The following B3GALNT2 variants were observed in gnomAD, a reference collection of about 807,000 sequenced individuals.
B3GALNT2 encodes beta-1,3-N-acetylgalactosaminyltransferase 2, also known as UDP-GalNAc:beta-1,3-N-acetylgalactosaminyltransferase 2.
In B3GALNT2, 53 loss-of-function variants were observed where a neutral mutation model predicts 61.1. That is an observed-to-expected ratio of 0.87 (90% CI 0.70 to 1.09). The LOEUF (loss-of-function observed/expected upper bound fraction) is 1.09. Ranked by LOEUF, B3GALNT2 falls within the 50% of genes least tolerant of loss-of-function variation. B3GALNT2 has a pLI of 0.00. For synonymous variants in B3GALNT2, 223 were observed against 237.4 expected (o/e 0.94, Z 0.56); for missense variants, 544 against 623.0 (o/e 0.87, Z 1.35).
chr1:235,450,469 T>C, intron 11 of B3GALNT2, 129 bp from the exon 12 acceptor site: 1 of 1,182,908 alleles, frequency 8.5e-7, no homozygotes. Flanking sequence ...ACTCCGTGTG[T>C]GGAACAACTG....
At chr1:235,469,351 T>C (rs1030424986) in intron 6 of B3GALNT2, among the ~76,000 whole-genome samples, 13 of 152,236 alleles carry the variant, frequency 8.5e-5, no homozygotes, top group African/African-American at 2.9e-4. Context: ...AGATTGTCTA[T>C]GATTCCACCG....
chr1:235,446,529 AC>A (rs1220092412), downstream of B3GALNT2, among the ~76,000 whole-genome samples: 1 of 152,190 alleles, frequency 6.6e-6, no homozygotes, highest in Non-Finnish European at 1.5e-5. Flanking sequence ...CTAGAGGTAT[AC>A]CTCTCAAATT....
intron 5 of B3GALNT2, among the ~76,000 whole-genome samples, chr1:235,471,926 G>A (rs1358984385): frequency 2.6e-5 from 4 of 151,500 alleles, no homozygotes; most frequent in Admixed American, 1.3e-4. Flanking sequence ...GCCTCCCAAA[G>A]TGCTGGGATT....
intron 6 of B3GALNT2, among the ~76,000 whole-genome samples, chr1:235,468,775 AT>A (rs1157030723): frequency 1.3e-5 from 2 of 152,188 alleles, no homozygotes; most frequent in Non-Finnish European, 2.9e-5. Context: ...AGTGTAACCA[AT>A]ATTACAGAAT....
At chr1:235,502,418 A>G (rs1171757389) in intron 1 of B3GALNT2, among the ~76,000 whole-genome samples, 2 of 152,222 alleles carry the variant, frequency 1.3e-5, no homozygotes, top group Non-Finnish European at 2.9e-5. Context: ...CTGCACACGT[A>G]TCCCGGAACT....
At chr1:235,492,965 A>G (rs1685148730) in intron 2 of B3GALNT2, among the ~76,000 whole-genome samples, 1 of 152,218 alleles carries the variant, frequency 6.6e-6, no homozygotes, top group Non-Finnish European at 1.5e-5. Context: ...TTTCACTCTG[A>G]GCAAGAAAGG....
intron 10 of B3GALNT2, among the ~76,000 whole-genome samples, chr1:235,453,409 T>C (rs765083806): frequency 3.0e-4 from 45 of 151,858 alleles, no homozygotes; most frequent in Non-Finnish European, 5.6e-4. Flanking sequence ...AGGAAGCACT[T>C]AGGGCTTCCT....
intron 5 of B3GALNT2, among the ~76,000 whole-genome samples, chr1:235,471,547 A>T (rs1684008796): frequency 6.6e-6 from 1 of 152,246 alleles, no homozygotes; most frequent in Non-Finnish European, 1.5e-5. Context: ...TTATAGGGTT[A>T]TCAGCAATGT....
Position 235,494,868 on chromosome 1 carries a change from C to T in B3GALNT2, c.113-40G>A, listed in dbSNP as rs1325442627. Reference sequence around the variant, plus strand: ...AATACATGAGAAATAAGTCATGTATCAATTACTATGAAGTTCAATATGTAT... The same window carrying T: ...AATACATGAGAAATAAGTCATGTATTAATTACTATGAAGTTCAATATGTAT... On this transcript the variant is annotated intron_variant, in intron 1 of 11. Coordinates refer to ENST00000366600, the MANE Select transcript of B3GALNT2 (RefSeq NM_152490.5). 6 of 1,510,340 alleles carry T rather than the reference C, an allele frequency of 4.0e-6. No homozygotes were observed. The African/African-American group carries it at 8.4e-5, about 21-fold the overall frequency. The allele number at this position is 1,510,340 out of a possible 1,614,324, so 93.6% of individuals were successfully genotyped here.
chr1:235,442,910 G>A (rs762799965), downstream of B3GALNT2: 133 of 1,613,870 alleles, frequency 8.2e-5, no homozygotes, highest in Middle Eastern at 4.9e-4. Flanking sequence ...AACAACTGCC[G>A]GGTAAGAAGA....
Position 235,461,507 on chromosome 1 carries a change from G to GTTTT in B3GALNT2, c.842-2725_842-2722dup, listed in dbSNP as rs57611133. On this transcript the variant is annotated intron_variant, in intron 7 of 11. Transcript: ENST00000366600. ...GAAACACAGGGGTAGATGACCTCCT[G>GTTTT]TTTTTTTTTTTTTTTTTTTTTTTTT... 6.6e-4 allele frequency among the ~76,000 whole-genome samples: 42 copies of GTTTT among 63,382 alleles called. 3 individuals are homozygous for GTTTT. The highest frequency in any genetic ancestry group is 9.3e-4 in the Non-Finnish European group (34 of 36,520). The allele number at this position is 63,382 out of a possible 152,430, so 41.6% of individuals were successfully genotyped here. A position where few individuals can be genotyped will look rare whatever the true frequency, so the allele number is the denominator to read the frequency against.
At chr1:235,467,518 C>T (rs2102807995) in intron 6 of B3GALNT2, among the ~76,000 whole-genome samples, 1 of 136,428 alleles carries the variant, frequency 7.3e-6, no homozygotes, top group Middle Eastern at 4.1e-3. Flanking sequence ...AAGTCTTGCT[C>T]TTGTCCCCCA....
At position 235,458,589 on chromosome 1, in the gene B3GALNT2, T is replaced by G. The variant is rs1558411296; in HGVS notation, c.1025+14A>C. 6.4e-7 allele frequency: 1 copy of G among 1,566,420 alleles called. No individual in the cohort carries two copies. On this transcript the variant is annotated intron_variant, in intron 8 of 11. Coordinates refer to ENST00000366600, the MANE Select transcript of B3GALNT2 (RefSeq NM_152490.5). The stretch of plus-strand genomic sequence containing the variant: ...TAAAACAAGTTCTAGCTACCCAACA[T>G]TTTTACAACCTACCATCTATAGAAG...
Position 235,448,123 on chromosome 1 carries a change from C to G in B3GALNT2, c.*2083G>C, listed in dbSNP as rs938463255. ...GCTGAGGCAGGAGAATTGTTTGAAC[C>G]CGGGAAGCGGAGGTTGCAGTGAGCC... On this transcript the variant is annotated 3_prime_UTR_variant, in exon 12 of 12. Transcript: ENST00000366600. Among the ~76,000 whole-genome samples, 7 of 150,902 alleles carry G rather than the reference C, an allele frequency of 4.6e-5. No homozygotes were observed. Among genetic ancestry groups the G allele is most frequent in the African/African-American group, 1.5e-4 (6 of 40,786 alleles).
At chr1:235,446,679 C>T (rs1281676570), downstream of B3GALNT2, among the ~76,000 whole-genome samples, 5 of 150,406 alleles carry the variant, frequency 3.3e-5, no homozygotes, top group Admixed American at 6.7e-5. Flanking sequence ...TCTATAGAAC[C>T]GGTATGAGTA....
At chr1:235,502,157 C>T (rs1276381065) in intron 1 of B3GALNT2, among the ~76,000 whole-genome samples, 1 of 152,176 alleles carries the variant, frequency 6.6e-6, no homozygotes, top group Non-Finnish European at 1.5e-5. Flanking sequence ...GGATTACAGG[C>T]ATGCACCACT....
chr1:235,485,446 T>C (rs1158652871), intron 3 of B3GALNT2, among the ~76,000 whole-genome samples: 3 of 152,230 alleles, frequency 2.0e-5, no homozygotes, highest in Non-Finnish European at 4.4e-5. Context: ...CCTGAGTAGC[T>C]GGGACCGCAG....
intron 1 of B3GALNT2, among the ~76,000 whole-genome samples, chr1:235,495,897 T>G (rs1442234700): frequency 6.6e-6 from 1 of 152,230 alleles, no homozygotes; most frequent in Non-Finnish European, 1.5e-5. Flanking sequence ...GGTTGATATT[T>G]TCTTCAAAGG....
chr1:235,454,850 A>G (rs1406403405), intron 9 of B3GALNT2, among the ~76,000 whole-genome samples: 1 of 152,246 alleles, frequency 6.6e-6, no homozygotes, highest in Non-Finnish European at 1.5e-5. Context: ...GAGTTTCTGA[A>G]TGAAAAGCAC....
Sources: allele counts gnomAD v4.1 joint callset (sites outside exome capture counted in the v4.1 genomes callset), GRCh38; gene constraint gnomAD v4.1.1; transcripts MANE v1.5; gene names NCBI Gene and HGNC (gene_info 2026-07-23, HGNC 2026-07-21).